The following SEL1L2 variants were observed in gnomAD, a reference collection of about 807,000 sequenced individuals.
SEL1L2 encodes the protein SEL1L2 adaptor subunit of SYVN1 ubiquitin ligase, also known as protein sel-1 homolog 2.
SEL1L2 carries 89 observed loss-of-function variants against 98.8 expected under a neutral mutation model. The ratio of observed to expected loss-of-function variants is 0.90; its 90% CI spans 0.76 to 1.07. The LOEUF (loss-of-function observed/expected upper bound fraction) is 1.07. Ranked by LOEUF, SEL1L2 falls within the 50% of genes least tolerant of loss-of-function variation. The probability of loss-of-function intolerance (pLI) is 0.00; values close to 1 mark genes in which losing one functional copy is unlikely to be tolerated. For missense variants in SEL1L2, 788 were observed against 812.0 expected, an observed-to-expected ratio of 0.97 and a Z score of 0.36; for synonymous variants, 262 against 278.5, an observed-to-expected ratio of 0.94 and a Z score of 0.59.
At chr20:13,984,408 T>C (rs1310293820) in intron 1 of SEL1L2, among the ~76,000 whole-genome samples, 2 of 152,222 alleles carry the variant, frequency 1.3e-5, no homozygotes, top group Admixed American at 1.3e-4. Context: ...TGCTGACTCA[T>C]TCCCCATTCT....
chr20:13,921,402 C>T (rs927735112), intron 3 of SEL1L2, among the ~76,000 whole-genome samples: 2 of 152,156 alleles, frequency 1.3e-5, no homozygotes, highest in Non-Finnish European at 2.9e-5. Flanking sequence ...GAGCTCCTGA[C>T]CTCAAGTGAT....
chr20:13,992,302 A>G (rs2052560187), upstream of SEL1L2, among the ~76,000 whole-genome samples: 1 of 151,982 alleles, frequency 6.6e-6, no homozygotes, highest in Non-Finnish European at 1.5e-5. Flanking sequence ...TCAGGAGTTC[A>G]AGACCAGCCT....
chr20:13,920,722 T>C (rs1353950739), intron 3 of SEL1L2, among the ~76,000 whole-genome samples: 1 of 152,254 alleles, frequency 6.6e-6, no homozygotes, highest in African/African-American at 2.4e-5. Context: ...TGGGATTTGA[T>C]GCCTCATTAA....
intron 15 of SEL1L2, among the ~76,000 whole-genome samples, 163 bp downstream of exon 15, chr20:13,866,539 A>G (rs867586161): frequency 6.6e-6 from 1 of 152,236 alleles, no homozygotes; most frequent in Non-Finnish European, 1.5e-5. Flanking sequence ...CCTGAGTTAC[A>G]TCACTGCTTT....
chr20:13,964,873 A>G (rs2050967610), intron 1 of SEL1L2, among the ~76,000 whole-genome samples: 1 of 152,030 alleles, frequency 6.6e-6, no homozygotes, highest in African/African-American at 2.4e-5. Context: ...TCCCCCAGAC[A>G]TATTTGCTTA....
intron 2 of SEL1L2, among the ~76,000 whole-genome samples, chr20:13,953,634 T>G (rs2050379501): frequency 6.6e-6 from 1 of 151,970 alleles, no homozygotes; most frequent in Non-Finnish European, 1.5e-5. Flanking sequence ...GAGTCTGGAT[T>G]CTCCTATTCC....
intron 2 of SEL1L2, among the ~76,000 whole-genome samples, chr20:13,955,294 G>A (rs1163192213): frequency 6.6e-6 from 1 of 152,076 alleles, no homozygotes; most frequent in Non-Finnish European, 1.5e-5. Context: ...GACAGGATTT[G>A]CAATTTTAGA....
intron 2 of SEL1L2, among the ~76,000 whole-genome samples, chr20:13,949,446 C>G (rs927619552): frequency 6.6e-6 from 1 of 152,172 alleles, no homozygotes; most frequent in Admixed American, 6.5e-5. Flanking sequence ...AGGCGGATCA[C>G]GAGGTCAGGA....
intron 2 of SEL1L2, among the ~76,000 whole-genome samples, chr20:13,954,597 C>T (rs2050434046): frequency 6.6e-6 from 1 of 151,946 alleles, no homozygotes; most frequent in African/African-American, 2.4e-5. Flanking sequence ...TAGAATAGTT[C>T]TTAGTTTTCT....
At chr20:13,981,137 G>A (rs2051806902) in intron 1 of SEL1L2, among the ~76,000 whole-genome samples, 1 of 152,230 alleles carries the variant, frequency 6.6e-6, no homozygotes, top group East Asian at 1.9e-4. Flanking sequence ...AGCTACTTGG[G>A]AGGCTGAGAC....
chr20:13,923,728 T>G (rs1291554970), intron 3 of SEL1L2, among the ~76,000 whole-genome samples: 2 of 152,200 alleles, frequency 1.3e-5, no homozygotes, highest in Non-Finnish European at 2.9e-5. Flanking sequence ...CACTCCAGCC[T>G]TGGCGACAGA....
intron 1 of SEL1L2, among the ~76,000 whole-genome samples, chr20:13,978,933 C>A (rs952465603): frequency 2.0e-5 from 3 of 152,034 alleles, no homozygotes; most frequent in African/African-American, 7.2e-5. Context: ...ATCGTGCACG[C>A]CTGTAATTTC....
At chr20:13,918,682 C>T (rs2048515804) in intron 4 of SEL1L2, among the ~76,000 whole-genome samples, 1 of 152,200 alleles carries the variant, frequency 6.6e-6, no homozygotes, top group African/African-American at 2.4e-5. Flanking sequence ...TTTAATACAA[C>T]AACTTGCTCT....
chr20:13,909,401 G>A (rs970806947), intron 5 of SEL1L2, among the ~76,000 whole-genome samples: 1 of 152,186 alleles, frequency 6.6e-6, no homozygotes, highest in African/African-American at 2.4e-5. Context: ...CAACTGCAAG[G>A]GGACTTGCTA....
At chr20:13,992,266 G>A (rs756855779), upstream of SEL1L2, among the ~76,000 whole-genome samples, 1 of 152,122 alleles carries the variant, frequency 6.6e-6, no homozygotes, top group Non-Finnish European at 1.5e-5. Context: ...TACTTTGGGA[G>A]GCTGAGGCAG....
In SEL1L2 at chr20:13,956,072, T is replaced by C; in HGVS notation, c.114+4A>G. On this transcript the variant is annotated splice_donor_region_variant and intron_variant, in intron 2 of 19. Transcript: ENST00000284951. ...AAAATGTAAAGATTTAGCAAAATAT[T>C]TACCTGTGTGGTGACATTTCTTTCC... 6.5e-7 allele frequency: 1 copy of C among 1,545,094 alleles called. No homozygotes were observed. The highest frequency in any genetic ancestry group is 1.2e-5 in the South Asian group (1 of 84,820).
In SEL1L2 at chr20:13,850,232, G is replaced by T. The variant is rs1188831857; in HGVS notation, c.1906C>A (p.Leu636Met). The T allele has an allele frequency of 6.2e-7, 1 of 1,614,038 alleles. No individual in the cohort carries two copies. Among genetic ancestry groups the T allele is most frequent in the Admixed American group, 1.7e-5 (1 of 60,012 alleles). ...HIPVLFAVMK[L>M]ETTHLLRDIL... Reference sequence around the variant, plus strand: ...TCCCGGAGCAAATGCGTAGTTTCCAGTTTCATGACGGCAAAGAGCACAGGT... The same window carrying T: ...TCCCGGAGCAAATGCGTAGTTTCCATTTTCATGACGGCAAAGAGCACAGGT... Residue 636 changes from leucine to methionine, a missense_variant, in exon 19 of 20, where the codon CTG becomes ATG. Transcript: ENST00000284951.
chr20:13,973,311 T>G (rs373526799), intron 1 of SEL1L2: 29 of 152,346 alleles, frequency 1.9e-4, no homozygotes, highest in African/African-American at 6.5e-4. Flanking sequence ...AATGTTTGCT[T>G]TTTAAAAAAT....
intron 5 of SEL1L2, among the ~76,000 whole-genome samples, chr20:13,894,896 G>A (rs2047356407): frequency 6.6e-6 from 1 of 152,148 alleles, no homozygotes; most frequent in Non-Finnish European, 1.5e-5. Flanking sequence ...GGCTTCACTA[G>A]AGAATTCTAC....
Sources: gnomAD v4.1 joint callset for allele counts (sites outside exome capture counted in the v4.1 genomes callset) on GRCh38, gnomAD v4.1.1 for gene constraint, MANE v1.5 for transcripts, NCBI Gene and HGNC (gene_info 2026-07-23, HGNC 2026-07-21) for gene names.